Variants in TFEB observed in about 807,000 individuals in gnomAD.
TFEB encodes transcription factor EB.
TFEB carries 12 observed loss-of-function variants against 48.0 expected under a neutral mutation model. The observed-to-expected ratio is 0.25, with a 90% CI of 0.16 to 0.40. The LOEUF (loss-of-function observed/expected upper bound fraction) is 0.40. Ranked by LOEUF, TFEB falls within the 10% of genes least tolerant of loss-of-function variation. The pLI, the probability that TFEB is intolerant of heterozygous loss-of-function variation, is 1.00. For missense variants in TFEB, 509 were observed against 640.3 expected (o/e 0.79, Z 2.21); for synonymous variants, 244 against 261.4 (o/e 0.93, Z 0.64).
chr6:41,718,565 A>G (rs1770837671), intron 1 of TFEB, among the ~76,000 whole-genome samples: 1 of 152,042 alleles, frequency 6.6e-6, no homozygotes, highest in African/African-American at 2.4e-5. Flanking sequence ...ATTACTATTT[A>G]CTATATTCAC....
Position 41,684,753 on chromosome 6 carries a change from G to A in TFEB, c.1277C>T (p.Pro426Leu), listed in dbSNP as rs1478178081. 1 of 1,613,342 alleles carries A rather than the reference G, an allele frequency of 6.2e-7. No homozygotes were observed. The highest frequency in any genetic ancestry group is 1.3e-5 in the African/African-American group (1 of 75,042). Residue 426 changes from proline (P) to leucine (L), a missense_variant, in exon 9 of 9, where the codon CCC becomes CTC. By Grantham distance (98) the Pro-to-Leu change is moderately conservative (BLOSUM62 -3). Coordinates refer to ENST00000373033, the MANE Select transcript of TFEB (RefSeq NM_001271944.2). ...PLAPGHGSPF[P>L]SLSKKDLDLM... ...GTCCAGATCCTTCTTGGACAGGCTG[G>A]GGAATGGGGAGCCATGCCCCGGCGC...
intron 1 of TFEB, among the ~76,000 whole-genome samples, chr6:41,714,106 T>C (rs1020001826): frequency 4.8e-5 from 7 of 147,014 alleles, no homozygotes; most frequent in East Asian, 3.9e-4. Flanking sequence ...CGTGTGTGTG[T>C]GCACGTGTGT....
intron 4 of TFEB, among the ~76,000 whole-genome samples, chr6:41,688,729 C>T (rs1290423409): frequency 6.6e-6 from 1 of 152,208 alleles, no homozygotes; most frequent in African/African-American, 2.4e-5. Flanking sequence ...CCTCCCTCCT[C>T]AGCCCTCGCT....
chr6:41,732,438 A>C (rs1354450689), intron 1 of TFEB, among the ~76,000 whole-genome samples: 1 of 152,256 alleles, frequency 6.6e-6, no homozygotes, highest in Non-Finnish European at 1.5e-5. Context: ...CAACTATTGT[A>C]TAATCAATCT....
chr6:41,735,532 C>T lies in TFEB; in HGVS notation c.-205G>A, dbSNP rs1771646095. The T allele has an allele frequency of 1.0e-6, 1 of 984,728 alleles. No homozygotes were observed. The highest frequency in any genetic ancestry group is 1.2e-6 in the Non-Finnish European group (1 of 829,852). The allele number at this position is 984,728 out of a possible 1,614,324, so 61.0% of individuals were successfully genotyped here. A position where few individuals can be genotyped will look rare whatever the true frequency, so the allele number is the denominator to read the frequency against. On this transcript the variant is annotated 5_prime_UTR_variant, in exon 1 of 9. Coordinates refer to ENST00000373033, the MANE Select transcript of TFEB (RefSeq NM_001271944.2). ...CCGCCGTCGGCGCCGCGGCCGCTCCCTGCGTCCCGCCCGGGCCGCCGCCTC... is the reference window on the plus strand; with the variant it reads ...CCGCCGTCGGCGCCGCGGCCGCTCCTTGCGTCCCGCCCGGGCCGCCGCCTC...
intron 1 of TFEB, among the ~76,000 whole-genome samples, chr6:41,706,149 G>T (rs1770208684): frequency 6.6e-6 from 1 of 152,198 alleles, no homozygotes; most frequent in South Asian, 2.1e-4. Flanking sequence ...AAGGACAGGG[G>T]CCTCAGCATG....
chr6:41,689,876 G>T, intron 3 of TFEB, 65 bp from the exon 4 acceptor site: 1 of 1,346,806 alleles, frequency 7.4e-7, no homozygotes, highest in Non-Finnish European at 1.1e-6. Flanking sequence ...AAGAGGCATT[G>T]GGACAACCAC....
chr6:41,704,643 C>T (rs992402681), intron 1 of TFEB, among the ~76,000 whole-genome samples: 1 of 152,176 alleles, frequency 6.6e-6, no homozygotes, highest in African/African-American at 2.4e-5. Context: ...AACAAACTGC[C>T]CTGGGAGATG....
rs112260788 is a variant in TFEB, at chr6:41,687,724, G to A, written c.727+29C>T. ...CCCAGGTGAGAACAAGGAAGAGGGA[G>A]GCAGGGAGAGGGGCGGGGCAGGACT... On this transcript the variant is annotated intron_variant, in intron 6 of 8. Coordinates refer to ENST00000373033, the MANE Select transcript of TFEB (RefSeq NM_001271944.2). The A allele has an allele frequency of 1.4e-3, 2,294 of 1,613,966 alleles. 23 individuals carry two copies. In the African/African-American group the frequency reaches 0.025, roughly 18 times the overall value.
At chr6:41,719,115 G>A (rs1032895046) in intron 1 of TFEB, among the ~76,000 whole-genome samples, 6 of 152,258 alleles carry the variant, frequency 3.9e-5, no homozygotes, top group Non-Finnish European at 7.4e-5. Context: ...TCTTATAGGA[G>A]TGCAAACCCT....
In TFEB at chr6:41,700,249, A is replaced by C. The variant is rs1298876962; in HGVS notation, c.-22-9014T>G. 2.6e-5 allele frequency among the ~76,000 whole-genome samples: 4 copies of C among 152,210 alleles called. No individual in the cohort carries two copies. In the East Asian group the frequency reaches 7.8e-4, roughly 29 times the overall value. On this transcript the variant is annotated intron_variant, in intron 1 of 8. Transcript: ENST00000373033. The stretch of plus-strand genomic sequence containing the variant: ...TGGGAGGCTGAGGCGGGCGGATCAC[A>C]AGGTCAAGAGATGGAGACCATCCTG...
chr6:41,709,557 A>ATGGATGGATGGG (rs1169458858), intron 1 of TFEB, among the ~76,000 whole-genome samples: 5 of 151,642 alleles, frequency 3.3e-5, no homozygotes, highest in African/African-American at 1.2e-4. Flanking sequence ...GGATGGATGG[A>ATGGATGGATGGG]TGGATGGATG....
In TFEB at chr6:41,723,454, C is replaced by G. The variant is rs940988444; in HGVS notation, c.-23+11896G>C. 19 of 1,286,572 alleles carry G rather than the reference C, an allele frequency of 1.5e-5. No individual in the cohort carries two copies. The highest frequency in any genetic ancestry group is 1.9e-5 in the Non-Finnish European group (19 of 986,338). 79.7% of individuals were successfully genotyped at this position (1,286,572 alleles called of 1,614,324 possible). A position where few individuals can be genotyped will look rare whatever the true frequency, so the allele number is the denominator to read the frequency against. ...ACTCACACACATGCACGCGTGTGCT[C>G]TCATACCTTCGAGAGGGCAGCCCCC... On this transcript the variant is annotated intron_variant, in intron 1 of 8. Coordinates refer to ENST00000373033, the MANE Select transcript of TFEB (RefSeq NM_001271944.2). The surrounding 1 kb of genome is among the most constrained non-coding windows in gnomAD (Gnocchi z 6.0).
At position 41,735,527 on chromosome 6, in the gene TFEB, G is replaced by A. The variant is rs1771645869; in HGVS notation, c.-200C>T. 1.0e-6 allele frequency: 1 copy of A among 984,636 alleles called. No individual in the cohort carries two copies. Among genetic ancestry groups the A allele is most frequent in the Non-Finnish European group, 1.2e-6 (1 of 829,786 alleles). The allele number at this position is 984,636 out of a possible 1,614,324, so 61.0% of individuals were successfully genotyped here. ...TCCCGCCGCCGTCGGCGCCGCGGCC[G>A]CTCCCTGCGTCCCGCCCGGGCCGCC... On this transcript the variant is annotated 5_prime_UTR_variant, in exon 1 of 9. Transcript: ENST00000373033.
At position 41,691,023 on chromosome 6, in the gene TFEB, G is replaced by A. The variant is rs752129807; in HGVS notation, c.191C>T (p.Pro64Leu). 2.0e-5 allele frequency: 31 copies of A among 1,576,352 alleles called. No individual in the cohort carries two copies. Among genetic ancestry groups the A allele is most frequent in the Non-Finnish European group, 2.6e-6 (3 of 1,159,320 alleles). The change falls in exon 2 of 9, where the codon CCT becomes CTT. Residue 64 changes from proline to leucine, a missense_variant. This residue lies in a region of TFEB where 251 missense variants were observed against 317.2 expected (regional missense o/e 0.79). Transcript: ENST00000373033. The surrounding 1 kb of genome is among the most constrained non-coding windows in gnomAD (Gnocchi z 5.2). ...NTPVHFQSPP[P>L]VPGEVLKVQS... ...TACCTTCAACACCTCCCCAGGCACAGGTGGTGGCGACTGGAAGTGGACGGG... is the reference window on the plus strand; with the variant it reads ...TACCTTCAACACCTCCCCAGGCACAAGTGGTGGCGACTGGAAGTGGACGGG...
chr6:41,731,605 C>G (rs1771453411), intron 1 of TFEB, among the ~76,000 whole-genome samples: 1 of 151,998 alleles, frequency 6.6e-6, no homozygotes, highest in African/African-American at 2.4e-5. Context: ...TGAGGCTGAA[C>G]AAAGCAGAGA....
chr6:41,704,266 G>T (rs1770090657), intron 1 of TFEB, among the ~76,000 whole-genome samples: 2 of 152,210 alleles, frequency 1.3e-5, no homozygotes, highest in South Asian at 2.1e-4. Flanking sequence ...AGTGGATCAC[G>T]AATATGCTCT....
At chr6:41,728,813 C>T (rs1363679452) in intron 1 of TFEB, among the ~76,000 whole-genome samples, 1 of 152,108 alleles carries the variant, frequency 6.6e-6, no homozygotes, top group Non-Finnish European at 1.5e-5. Flanking sequence ...GGCTCAGCGC[C>T]TTGTGGACCT....
At position 41,735,406 on chromosome 6, in the gene TFEB, C is replaced by T. The variant is rs1369984347; in HGVS notation, c.-79G>A. On this transcript the variant is annotated 5_prime_UTR_variant, in exon 1 of 9. Transcript: ENST00000373033. ...GCGCCCCGCGGCTCCGGCAACTTGT[C>T]GCAAGTTCGGGTGCCTGGCCCGCAA... The T allele has an allele frequency of 1.0e-6, 1 of 985,690 alleles. No homozygotes were observed. The highest frequency in any genetic ancestry group is 1.2e-6 in the Non-Finnish European group (1 of 830,572). 61.1% of individuals were successfully genotyped at this position (985,690 alleles called of 1,614,324 possible).
Sources: gnomAD v4.1 joint callset for allele counts (sites outside exome capture counted in the v4.1 genomes callset) on GRCh38, gnomAD v4.1.1 for gene constraint, gnomAD v4.1.1 regional missense constraint, Gnocchi (gnomAD v3.1) non-coding constraint, MANE v1.5 for transcripts, NCBI Gene and HGNC (gene_info 2026-07-23, HGNC 2026-07-21) for gene names.